Variants in TRAF3 observed in about 807,000 individuals in gnomAD.
TRAF3 encodes TNF receptor-associated factor 3.
TRAF3 carries 13 observed loss-of-function variants against 62.3 expected under a neutral mutation model. That is an observed-to-expected ratio of 0.21 (90% CI 0.14 to 0.33). The LOEUF (loss-of-function observed/expected upper bound fraction) is 0.33. TRAF3 is among the 10% of genes least tolerant of loss of function. The pLI is 1.00. For missense variants in TRAF3, 440 were observed against 741.8 expected (o/e 0.59, Z 4.73); for synonymous variants, 269 against 283.4 (o/e 0.95, Z 0.51).
intron 2 of TRAF3, 52 bp from the exon 3 acceptor site, chr14:102,870,133 T>C: frequency 6.2e-7 from 1 of 1,613,116 alleles, no homozygotes; most frequent in African/African-American, 1.3e-5. Context: ...AAGCTGTGTT[T>C]GTTTCCTTGC....
intron 2 of TRAF3, among the ~76,000 whole-genome samples, chr14:102,845,952 G>T (rs923718412): frequency 4.9e-5 from 6 of 121,618 alleles, no homozygotes; most frequent in Admixed American, 1.1e-4. Context: ...CTGCACTCTA[G>T]CCTGGGTGAC....
At chr14:102,832,865 G>A (rs945187210) in intron 2 of TRAF3, among the ~76,000 whole-genome samples, 11 of 152,056 alleles carry the variant, frequency 7.2e-5, no homozygotes, top group African/African-American at 2.7e-4. Context: ...TTGAATTGAT[G>A]TTTAATACTA....
intron 8 of TRAF3, 37 bp from the exon 9 acceptor site, chr14:102,891,288 G>GA (rs775415215): frequency 1.3e-6 from 2 of 1,595,226 alleles, no homozygotes. Context: ...GAAATGCAGC[G>GA]AGGTTCGCTG....
chr14:102,777,905 G>T (rs1212659980), intron 1 of TRAF3, among the ~76,000 whole-genome samples: 4 of 149,428 alleles, frequency 2.7e-5, no homozygotes, highest in African/African-American at 9.7e-5. Context: ...CCTCAACTTC[G>T]GCAAACTTTG....
At chr14:102,823,883 G>GCC (rs368550004) in intron 1 of TRAF3, among the ~76,000 whole-genome samples, 79,530 of 151,638 alleles carry the variant, frequency 0.52, 22,911 homozygotes, top group Middle Eastern at 0.73. Context: ...TCTGTGTGCA[G>GCC]TCTCTGTCAC....
intron 1 of TRAF3, among the ~76,000 whole-genome samples, chr14:102,803,182 C>T (rs1423046047): frequency 3.3e-5 from 5 of 152,204 alleles, no homozygotes; most frequent in Non-Finnish European, 7.3e-5. Flanking sequence ...CAGTGGCTTA[C>T]GCTCCTGGCT....
In TRAF3 at chr14:102,900,203, A is replaced by AAAAAG. The variant is rs775030784; in HGVS notation, c.960+2802_960+2803insAAAAG. 1.8e-3 allele frequency among the ~76,000 whole-genome samples: 256 copies of AAAAAG among 143,904 alleles called. 5 individuals are homozygous for AAAAAG. The highest frequency in any genetic ancestry group is 3.4e-3 in the African/African-American group (134 of 38,984). The allele number at this position is 143,904 out of a possible 152,430, so 94.4% of individuals were successfully genotyped here. The stretch of plus-strand genomic sequence containing the variant: ...CGGAAAAAAAAAAAAAAAAAAAAAA[A>AAAAAG]GACAGCCTAGGCCGGTAGGCCGGAC... On this transcript the variant is annotated intron_variant, in intron 10 of 11. Coordinates refer to ENST00000392745, the MANE Select transcript of TRAF3 (RefSeq NM_145725.3).
chr14:102,895,052 A>G (rs1345741121), intron 9 of TRAF3: 5 of 455,644 alleles, frequency 1.1e-5, no homozygotes, highest in African/African-American at 2.0e-5. Flanking sequence ...AAGAGTTGGC[A>G]TACATGTCAT....
chr14:102,785,787 C>G (rs906393886), intron 1 of TRAF3, among the ~76,000 whole-genome samples: 3 of 152,170 alleles, frequency 2.0e-5, no homozygotes, highest in African/African-American at 7.2e-5. Context: ...GGGCTTGTTT[C>G]ATGGCCATTT....
At chr14:102,779,307 C>G (rs1487681045) in intron 1 of TRAF3, among the ~76,000 whole-genome samples, 1 of 119,682 alleles carries the variant, frequency 8.4e-6, no homozygotes, top group Non-Finnish European at 1.6e-5. Flanking sequence ...TTGAGACATT[C>G]ATGTGAATTT....
rs183419289 is a variant in TRAF3 at position 102,849,100 on chromosome 14, T to A, written c.-18+18628T>A. ...AGCTTAAGCCATGGCGCCTGGCAGA[T>A]CTAGTGTTTTTTGAAATCTCATGTT... On this transcript the variant is annotated intron_variant, in intron 2 of 11. Coordinates refer to ENST00000392745, the MANE Select transcript of TRAF3 (RefSeq NM_145725.3). Among the ~76,000 whole-genome samples, 142 of 152,344 alleles carry A rather than the reference T, an allele frequency of 9.3e-4. 1 individual carries two copies. The highest frequency in any genetic ancestry group is 3.1e-3 in the African/African-American group (127 of 41,582).
At chr14:102,804,866 T>C (rs1898674217) in intron 1 of TRAF3, among the ~76,000 whole-genome samples, 1 of 152,172 alleles carries the variant, frequency 6.6e-6, no homozygotes, top group Non-Finnish European at 1.5e-5. Flanking sequence ...TGATATGTAA[T>C]ATATATGTTC....
chr14:102,898,520 C>T (rs959721461), intron 10 of TRAF3, among the ~76,000 whole-genome samples: 11 of 152,202 alleles, frequency 7.2e-5, no homozygotes, highest in African/African-American at 1.4e-4. Flanking sequence ...CCTGCACCTG[C>T]GCTCCCTGGC....
chr14:102,854,652 C>A (rs1432319153), intron 2 of TRAF3, among the ~76,000 whole-genome samples: 2 of 152,062 alleles, frequency 1.3e-5, no homozygotes, highest in African/African-American at 4.8e-5. Flanking sequence ...TGTGCACCAC[C>A]ACACCCAGCT....
intron 7 of TRAF3, among the ~76,000 whole-genome samples, chr14:102,888,142 G>C (rs1264011644): frequency 6.6e-6 from 1 of 152,196 alleles, no homozygotes; most frequent in Non-Finnish European, 1.5e-5. Flanking sequence ...TAATAGCGTT[G>C]ACACTCAGGT....
intron 7 of TRAF3, among the ~76,000 whole-genome samples, chr14:102,889,253 T>G (rs1566800009): frequency 6.6e-6 from 1 of 152,226 alleles, no homozygotes; most frequent in Non-Finnish European, 1.5e-5. Flanking sequence ...CAGTTTATGT[T>G]TTTTCTTTCT....
chr14:102,879,793 T>C (rs970502734), intron 6 of TRAF3, among the ~76,000 whole-genome samples: 6 of 152,080 alleles, frequency 3.9e-5, no homozygotes, highest in African/African-American at 1.4e-4. Context: ...ATCTTTTTCT[T>C]GTGTGGTACT....
At chr14:102,858,908 T>C (rs920544569) in intron 2 of TRAF3, among the ~76,000 whole-genome samples, 2 of 152,166 alleles carry the variant, frequency 1.3e-5, no homozygotes, top group African/African-American at 4.8e-5. Flanking sequence ...TATAGACAAA[T>C]CTACCCAATT....
intron 1 of TRAF3, among the ~76,000 whole-genome samples, chr14:102,820,886 C>T (rs1433772900): frequency 6.6e-6 from 1 of 151,684 alleles, no homozygotes; most frequent in Non-Finnish European, 1.5e-5. Flanking sequence ...CCTCCTGGCT[C>T]AGCCTCCCAA....
Sources: gnomAD v4.1 joint callset for allele counts (sites outside exome capture counted in the v4.1 genomes callset) on GRCh38, gnomAD v4.1.1 for gene constraint, MANE v1.5 for transcripts, NCBI Gene and HGNC (gene_info 2026-07-23, HGNC 2026-07-21) for gene names.